SPATA33: variants seen among roughly 807,000 people sequenced by gnomAD.
The protein encoded by SPATA33 is spermatogenesis associated 33, also known as spermatogenesis-associated protein 33.
Under a neutral mutation model 8.9 loss-of-function variants are expected in SPATA33, and 10 were observed. That is an observed-to-expected ratio of 1.12 (90% confidence interval 0.69 to 1.90). The LOEUF is 1.90. Among genes scored for constraint, SPATA33 ranks in the 40% most tolerant of loss-of-function variants. SPATA33 has a pLI of 0.00. For synonymous variants in SPATA33, 96 were observed against 72.8 expected (o/e 1.32, Z -1.63); for missense variants, 241 against 178.3 (o/e 1.35, Z -2.00).
chr16:89,661,364 G>A (rs1466435771), intron 2 of SPATA33: 4 of 284,838 alleles, frequency 1.4e-5, no homozygotes, highest in East Asian at 1.7e-4. Flanking sequence ...TTTTAAAAAC[G>A]GGAGTTTCCT....
rs571140555 is a variant in SPATA33, at chr16:89,662,573, G to A, written c.211+4152G>A. ...CAAGTAGCTGGGATTACAGGCGCCC[G>A]CCATGACGCCCAGCTAATTTTTTTT... On this transcript the variant is annotated intron_variant, in intron 2 of 2. Transcript: ENST00000579310. Among the ~76,000 whole-genome samples the A allele has an allele frequency of 3.3e-5, 5 of 151,984 alleles. No homozygotes were observed. The East Asian group carries it at 7.8e-4, about 24-fold the overall frequency.
intron 2 of SPATA33, chr16:89,660,523 G>A: frequency 8.1e-7 from 1 of 1,231,900 alleles, no homozygotes; most frequent in Non-Finnish European, 1.0e-6. Flanking sequence ...AATGAAGTGT[G>A]CACGCTCTCC....
At chr16:89,661,356 T>C in intron 2 of SPATA33, 1 of 333,050 alleles carries the variant, frequency 3.0e-6, no homozygotes, top group East Asian at 1.7e-4. Flanking sequence ...TCCGATGGTT[T>C]TAAAAACGGG....
chr16:89,661,738 A>G (rs1202133049), intron 2 of SPATA33, among the ~76,000 whole-genome samples: 1 of 152,152 alleles, frequency 6.6e-6, no homozygotes. Flanking sequence ...AGGGGATGTT[A>G]GAAGGAAATC....
chr16:89,657,824 C>G (rs1003374909), upstream of SPATA33: 57 of 1,511,148 alleles, frequency 3.8e-5, no homozygotes, highest in Non-Finnish European at 4.6e-5. Flanking sequence ...GCCGCTGGCG[C>G]GAGGACCTTT....
At chr16:89,665,775 G>T (rs1206415965) in intron 2 of SPATA33, among the ~76,000 whole-genome samples, 1 of 152,098 alleles carries the variant, frequency 6.6e-6, no homozygotes, top group African/African-American at 2.4e-5. Context: ...ATTATTCAAA[G>T]GTTCATCTAA....
chr16:89,660,995 G>A lies in SPATA33; in HGVS notation c.211+2574G>A, dbSNP rs183826702. ...AGAGCTTCCCTGTACGTCTCAGTGA[G>A]TCTTCACATGCCTCCAACTGCCTGG... is the stretch of plus-strand genomic sequence containing the variant. On this transcript the variant is annotated intron_variant, in intron 2 of 2. Coordinates refer to ENST00000579310, the MANE Select transcript of SPATA33 (RefSeq NM_001271907.2). The A allele has an allele frequency of 2.5e-5, 25 of 994,716 alleles. No homozygotes were observed. The African/African-American group carries it at 4.0e-4, about 16-fold the overall frequency. 61.6% of individuals were successfully genotyped at this position (994,716 alleles called of 1,614,324 possible). A position where few individuals can be genotyped will look rare whatever the true frequency, so the allele number is the denominator to read the frequency against.
intron 2 of SPATA33, chr16:89,661,540 T>C (rs1392218343): frequency 6.6e-6 from 1 of 152,242 alleles, no homozygotes; most frequent in East Asian, 1.9e-4. Flanking sequence ...ATTAGCAGCA[T>C]GAAAACGGAC....
intron 2 of SPATA33, chr16:89,668,116 AGCCT>A (rs2060051023): frequency 6.6e-6 from 1 of 152,334 alleles, no homozygotes; most frequent in Non-Finnish European, 1.5e-5. Context: ...GTTCAAGACC[AGCCT>A]GGCCAACATG....
chr16:89,661,682 A>C (rs1392219803), intron 2 of SPATA33, among the ~76,000 whole-genome samples: 2 of 152,098 alleles, frequency 1.3e-5, no homozygotes, highest in African/African-American at 4.8e-5. Context: ...ACCTTATTCC[A>C]CAATGTTGGA....
intron 2 of SPATA33, among the ~76,000 whole-genome samples, chr16:89,667,053 G>T (rs1033099647): frequency 1.3e-5 from 2 of 152,194 alleles, no homozygotes; most frequent in South Asian, 4.1e-4. Flanking sequence ...TCCACAAGAG[G>T]TGGAGGAGCA....
chr16:89,665,231 G>T (rs1262626454), intron 2 of SPATA33, among the ~76,000 whole-genome samples: 1 of 152,156 alleles, frequency 6.6e-6, no homozygotes, highest in Non-Finnish European at 1.5e-5. Context: ...CAGAGGCCAA[G>T]CAATCTGCCT....
At chr16:89,660,408 T>C in intron 2 of SPATA33, 2 of 1,192,228 alleles carry the variant, frequency 1.7e-6, no homozygotes, top group Non-Finnish European at 2.1e-6. Context: ...GGACCGCCTG[T>C]TGGAAGGGCC....
At chr16:89,664,330 T>C (rs1597805430) in intron 2 of SPATA33, among the ~76,000 whole-genome samples, 1 of 127,344 alleles carries the variant, frequency 7.9e-6, no homozygotes, top group Admixed American at 8.9e-5. Context: ...TGGAAGGCGG[T>C]TTGGTAACAA....
chr16:89,662,322 A>G (rs1050505335), intron 2 of SPATA33, among the ~76,000 whole-genome samples: 1 of 152,062 alleles, frequency 6.6e-6, no homozygotes, highest in Non-Finnish European at 1.5e-5. Flanking sequence ...CAGGAAAAAA[A>G]CGAAGAAAGA....
At chr16:89,658,495 G>A (rs990489790) in intron 2 of SPATA33, 74 bp downstream of exon 2, 3 of 1,518,044 alleles carry the variant, frequency 2.0e-6, no homozygotes, top group African/African-American at 1.4e-5. Context: ...GGAGCCTACT[G>A]TAAGACCCTA....
Position 89,669,282 on chromosome 16 carries a change from C to T in SPATA33, c.212-4C>T. 6.2e-7 allele frequency: 1 copy of T among 1,614,056 alleles called. No homozygotes were observed. The highest frequency in any genetic ancestry group is 8.5e-7 in the Non-Finnish European group (1 of 1,179,964). On this transcript the variant is annotated splice_region_variant and splice_polypyrimidine_tract_variant and intron_variant, in intron 2 of 2. Transcript: ENST00000579310. ...ACTAAATGCCTGGATGTTTTTTCCT[C>T]TAGAGAAACCTGATGTAAAGCAAAA...
At chr16:89,662,826 C>T (rs1007497399) in intron 2 of SPATA33, among the ~76,000 whole-genome samples, 3 of 146,360 alleles carry the variant, frequency 2.0e-5, no homozygotes, top group African/African-American at 7.6e-5. Context: ...TGGAGTCTTG[C>T]TCTGTTGCCC....
At chr16:89,660,750 C>T in intron 2 of SPATA33, 2 of 812,746 alleles carry the variant, frequency 2.5e-6, no homozygotes, top group Non-Finnish European at 3.3e-6. Flanking sequence ...CACAGCTGAG[C>T]ACAAGAGGAC....
Sources: allele counts gnomAD v4.1 joint callset (sites outside exome capture counted in the v4.1 genomes callset), GRCh38; gene constraint gnomAD v4.1.1; transcripts MANE v1.5; gene names NCBI Gene and HGNC (gene_info 2026-07-23, HGNC 2026-07-21).